Variants in FHOD3 observed in about 807,000 individuals in gnomAD.
FHOD3 encodes the protein FH1/FH2 domain-containing protein 3.
FHOD3 carries 90 observed loss-of-function variants against 173.0 expected under a neutral mutation model. That is an observed-to-expected ratio of 0.52 (90% CI 0.44 to 0.62). The LOEUF (loss-of-function observed/expected upper bound fraction) is 0.62. FHOD3 is among the 20% of genes least tolerant of loss of function. The probability of loss-of-function intolerance (pLI) is 0.00; values close to 1 mark genes in which losing one functional copy is unlikely to be tolerated. For synonymous variants in FHOD3, 828 were observed against 823.0 expected (o/e 1.01, Z -0.10); for missense variants, 1,945 against 2,034.7 (o/e 0.96, Z 0.85).
chr18:36,639,559 AGGCTG>A (rs2035146010), intron 10 of FHOD3, among the ~76,000 whole-genome samples: 2 of 151,936 alleles, frequency 1.3e-5, no homozygotes, highest in African/African-American at 2.4e-5. Flanking sequence ...CCTACTCGGG[AGGCTG>A]AGGCAGGAGA....
intron 3 of FHOD3, among the ~76,000 whole-genome samples, chr18:36,499,346 C>T (rs772328058): frequency 5.3e-5 from 8 of 152,196 alleles, no homozygotes; most frequent in Non-Finnish European, 8.8e-5. Flanking sequence ...TCAAGTGATC[C>T]GCCTGCCTCG....
chr18:36,558,354 G>A (rs563205754), intron 5 of FHOD3, among the ~76,000 whole-genome samples: 7 of 152,254 alleles, frequency 4.6e-5, no homozygotes, highest in African/African-American at 1.2e-4. Context: ...CTAGAATATA[G>A]TCTGTTATTG....
intron 1 of FHOD3, among the ~76,000 whole-genome samples, chr18:36,326,914 G>A (rs190190437): frequency 6.6e-6 from 1 of 152,314 alleles, no homozygotes; most frequent in Admixed American, 6.5e-5. Context: ...TGCCTATGTT[G>A]CACTCTGCGT....
chr18:36,625,814 C>T, intron 10 of FHOD3, 65 bp downstream of exon 10: 2 of 1,350,446 alleles, frequency 1.5e-6, no homozygotes, highest in South Asian at 3.1e-5. Flanking sequence ...CCCACAGGTG[C>T]CTGCCACTCT....
chr18:36,665,005 A>G (rs953248069), intron 14 of FHOD3, among the ~76,000 whole-genome samples: 9 of 152,212 alleles, frequency 5.9e-5, no homozygotes, highest in African/African-American at 1.7e-4. Context: ...AGGCAGGAGG[A>G]TCACTTGAGC....
intron 3 of FHOD3, among the ~76,000 whole-genome samples, chr18:36,425,203 T>G (rs918901215): frequency 1.3e-5 from 2 of 152,252 alleles, no homozygotes; most frequent in Admixed American, 6.5e-5. Flanking sequence ...TTATTAGTTA[T>G]TGTTGCTAAT....
At chr18:36,355,268 G>A (rs182077073) in intron 1 of FHOD3, among the ~76,000 whole-genome samples, 125 of 152,210 alleles carry the variant, frequency 8.2e-4, no homozygotes, top group South Asian at 1.2e-3. Flanking sequence ...GGAAAAAAGC[G>A]CTGGCCCAGT....
chr18:36,477,138 C>T (rs1284446546), intron 3 of FHOD3, among the ~76,000 whole-genome samples: 1 of 152,040 alleles, frequency 6.6e-6, no homozygotes, highest in Non-Finnish European at 1.5e-5. Context: ...CAGGGACATC[C>T]AGGAGAAGGT....
intron 5 of FHOD3, among the ~76,000 whole-genome samples, chr18:36,533,231 A>G (rs1306690271): frequency 1.3e-5 from 2 of 152,244 alleles, no homozygotes; most frequent in Admixed American, 1.3e-4. Flanking sequence ...GGCATGATGA[A>G]AGTATCCTCC....
intron 1 of FHOD3, among the ~76,000 whole-genome samples, chr18:36,335,107 C>A (rs2145306584): frequency 6.6e-6 from 1 of 152,334 alleles, no homozygotes; most frequent in Admixed American, 6.5e-5. Flanking sequence ...GGTGTCTAAT[C>A]TTTTGGCTTC....
chr18:36,593,074 A>G (rs1325463705), intron 6 of FHOD3, among the ~76,000 whole-genome samples: 1 of 152,172 alleles, frequency 6.6e-6, no homozygotes, highest in Non-Finnish European at 1.5e-5. Context: ...GAACCAATGA[A>G]AAAGGAGCCA....
In FHOD3 at chr18:36,740,741, G is replaced by C; in HGVS notation, c.3662G>C (p.Ser1221Thr). 1 of 1,614,068 alleles carries C rather than the reference G, an allele frequency of 6.2e-7. No individual in the cohort carries two copies. The highest frequency in any genetic ancestry group is 1.1e-5 in the South Asian group (1 of 91,072). The change falls in exon 21 of 29, where the codon AGT becomes ACT. Residue 1221 changes from serine (S) to threonine (T), a missense_variant. Ser to Thr is a moderately conservative substitution (Grantham distance 58). Coordinates refer to ENST00000590592, the MANE Select transcript of FHOD3 (RefSeq NM_001281740.3). ...GCCAACCCTGAAATCCCCCTGGGCAGTGCAGAGCAGTTCCTCCTCACCCTG... is the reference window on the plus strand; with the variant it reads ...GCCAACCCTGAAATCCCCCTGGGCACTGCAGAGCAGTTCCTCCTCACCCTG... ...QLANPEIPLG[S>T]AEQFLLTLSS...
At position 36,614,902 on chromosome 18, in the gene FHOD3, G is replaced by A. The variant is rs113839022; in HGVS notation, c.957+2807G>A. Among the ~76,000 whole-genome samples the A allele has an allele frequency of 3.9e-3, 535 of 136,572 alleles. 2 individuals carry two copies. The highest frequency in any genetic ancestry group is 6.1e-3 in the Non-Finnish European group (405 of 65,946). 89.6% of individuals were successfully genotyped at this position (136,572 alleles called of 152,430 possible). On this transcript the variant is annotated intron_variant, in intron 9 of 28. Coordinates refer to ENST00000590592, the MANE Select transcript of FHOD3 (RefSeq NM_001281740.3). ...TTTTTCTCTTGTTGCCCAGACTGGA[G>A]TGCAATGATGCAATCTCGGCTCACC... is the stretch of plus-strand genomic sequence containing the variant.
chr18:36,505,544 A>G (rs146548067), intron 4 of FHOD3, among the ~76,000 whole-genome samples: 41 of 152,354 alleles, frequency 2.7e-4, no homozygotes, highest in African/African-American at 8.9e-4. Flanking sequence ...TTAAACAAGC[A>G]AAGATCTATC....
chr18:36,534,172 C>A (rs1416805085), intron 5 of FHOD3, among the ~76,000 whole-genome samples: 1 of 152,230 alleles, frequency 6.6e-6, no homozygotes, highest in Non-Finnish European at 1.5e-5. Flanking sequence ...GAAAGCCCTT[C>A]AGGTGCCTGA....
At chr18:36,663,886 T>A (rs1423339030) in intron 14 of FHOD3, among the ~76,000 whole-genome samples, 1 of 152,246 alleles carries the variant, frequency 6.6e-6, no homozygotes, top group Non-Finnish European at 1.5e-5. Flanking sequence ...TCCCTATGAA[T>A]CCACATGCTT....
chr18:36,612,331 A>G (rs1169865192), intron 9 of FHOD3, among the ~76,000 whole-genome samples: 1 of 152,212 alleles, frequency 6.6e-6, no homozygotes, highest in Non-Finnish European at 1.5e-5. Context: ...AGAACCCTTG[A>G]TATAGGGGAA....
chr18:36,385,003 G>T (rs899877357), intron 3 of FHOD3, among the ~76,000 whole-genome samples: 8 of 152,076 alleles, frequency 5.3e-5, no homozygotes, highest in African/African-American at 1.9e-4. Flanking sequence ...CTAAAGGAAT[G>T]TGACTTTAGA....
At chr18:36,636,768 G>C (rs1568529675) in intron 10 of FHOD3, among the ~76,000 whole-genome samples, 1 of 151,922 alleles carries the variant, frequency 6.6e-6, no homozygotes, top group Admixed American at 6.6e-5. Context: ...GTGGGGTGCA[G>C]GTATTTGTCT....
Sources: allele counts gnomAD v4.1 joint callset (sites outside exome capture counted in the v4.1 genomes callset), GRCh38; gene constraint gnomAD v4.1.1; transcripts MANE v1.5; gene names NCBI Gene and HGNC (gene_info 2026-07-23, HGNC 2026-07-21).